TBCK: variants seen among roughly 807,000 people sequenced by gnomAD.
TBCK encodes the protein TBC1 domain containing kinase, also known as TBC domain-containing protein kinase-like protein.
A neutral mutation model predicts 113.4 loss-of-function variants in TBCK; 99 were observed. The ratio of observed to expected loss-of-function variants is 0.87; its 90% CI spans 0.74 to 1.03. The LOEUF (loss-of-function observed/expected upper bound fraction) is 1.03. Among genes scored for constraint, TBCK ranks in the 50% least tolerant of loss-of-function variants. TBCK has a pLI of 0.00. For synonymous variants in TBCK, 369 were observed against 370.8 expected, an observed-to-expected ratio of 1.00 and a Z score of 0.05; for missense variants, 1,045 against 1,061.3, an observed-to-expected ratio of 0.98 and a Z score of 0.21.
At chr4:106,165,987 C>T (rs1750324304) in intron 23 of TBCK, among the ~76,000 whole-genome samples, 1 of 151,668 alleles carries the variant, frequency 6.6e-6, no homozygotes, top group Non-Finnish European at 1.5e-5. Context: ...TTTAACCTTC[C>T]ATTCTACTAG....
At chr4:106,069,549 CT>C (rs1737110860) in intron 25 of TBCK, among the ~76,000 whole-genome samples, 1 of 152,120 alleles carries the variant, frequency 6.6e-6, no homozygotes, top group South Asian at 2.1e-4. Context: ...TTACTGTAGC[CT>C]TGTAGTATAG....
intron 23 of TBCK, among the ~76,000 whole-genome samples, chr4:106,168,431 A>G (rs1438313876): frequency 6.6e-6 from 1 of 151,932 alleles, no homozygotes; most frequent in Non-Finnish European, 1.5e-5. Flanking sequence ...TAAGATCAGG[A>G]ACAAGGTAAG....
intron 23 of TBCK, among the ~76,000 whole-genome samples, chr4:106,170,251 T>C (rs1201062010): frequency 6.6e-6 from 1 of 152,136 alleles, no homozygotes; most frequent in African/African-American, 2.4e-5. Flanking sequence ...AAAACTATAA[T>C]GCAAATATTT....
chr4:106,239,429 T>C (rs1236111461), intron 12 of TBCK, among the ~76,000 whole-genome samples: 3 of 152,042 alleles, frequency 2.0e-5, no homozygotes, highest in African/African-American at 7.2e-5. Flanking sequence ...TTAGTTATTA[T>C]ATAGGAAGAA....
intron 20 of TBCK, among the ~76,000 whole-genome samples, chr4:106,208,627 C>A (rs1755797730): frequency 6.6e-6 from 1 of 152,106 alleles, no homozygotes; most frequent in Admixed American, 6.5e-5. Flanking sequence ...CTTTGCCTCA[C>A]TCAACCGCTA....
intron 25 of TBCK, among the ~76,000 whole-genome samples, chr4:106,052,560 G>A (rs1299480978): frequency 6.6e-6 from 1 of 151,756 alleles, no homozygotes; most frequent in Non-Finnish European, 1.5e-5. Context: ...ACCAATCTTT[G>A]AGGTTAGGAA....
chr4:106,194,702 G>C lies in TBCK; in HGVS notation c.1897+16C>G. ...GCTAATACAATATCAAAAAAACCGG[G>C]GGAAGTCATACTTACGAGTAAACAT... On this transcript the variant is annotated intron_variant, in intron 21 of 25. Transcript: ENST00000394708. 2 of 1,589,730 alleles carry C rather than the reference G, an allele frequency of 1.3e-6. No homozygotes were observed. The highest frequency in any genetic ancestry group is 1.7e-6 in the Non-Finnish European group (2 of 1,170,456).
At chr4:106,224,458 C>T (rs1758020221) in intron 19 of TBCK, among the ~76,000 whole-genome samples, 1 of 151,632 alleles carries the variant, frequency 6.6e-6, no homozygotes, top group Non-Finnish European at 1.5e-5. Flanking sequence ...AGGATTTTTC[C>T]CAAAATTTGT....
At chr4:106,291,794 C>T (rs1765740365) in intron 3 of TBCK, among the ~76,000 whole-genome samples, 1 of 152,156 alleles carries the variant, frequency 6.6e-6, no homozygotes, top group Non-Finnish European at 1.5e-5. Context: ...CAAAAGGTAG[C>T]ACGTGTTCCT....
chr4:106,167,550 A>T (rs1213187023), intron 23 of TBCK, among the ~76,000 whole-genome samples: 1 of 151,696 alleles, frequency 6.6e-6, no homozygotes, highest in African/African-American at 2.4e-5. Flanking sequence ...AATGAAATTG[A>T]AAACAGTAAA....
At chr4:106,259,060 A>G (rs149223052) in intron 5 of TBCK, among the ~76,000 whole-genome samples, 2,242 of 152,076 alleles carry the variant, frequency 0.015, 60 homozygotes, top group South Asian at 0.035. Flanking sequence ...CTTCTTGAGG[A>G]CAGAAAGCTA....
At chr4:106,254,047 G>T (rs1257824944) in intron 5 of TBCK, among the ~76,000 whole-genome samples, 1 of 152,066 alleles carries the variant, frequency 6.6e-6, no homozygotes, top group Non-Finnish European at 1.5e-5. Context: ...CGTATGTGAT[G>T]TATCTTTCAT....
intron 2 of TBCK, among the ~76,000 whole-genome samples, chr4:106,299,463 C>G (rs1322566039): frequency 6.6e-6 from 1 of 152,162 alleles, no homozygotes; most frequent in Non-Finnish European, 1.5e-5. Context: ...TCTGGCACAA[C>G]TAAAATTTTT....
rs532093285 is a variant in TBCK at position 106,042,175 on chromosome 4, C to G, written c.*4395G>C. ...CATTTTGCTTCCAATCTGATTTAAT[C>G]AACATTTATCAAGAAAAATGCATTA... On this transcript the variant is annotated 3_prime_UTR_variant, in exon 26 of 26. Transcript: ENST00000394708. 1.3e-5 allele frequency: 2 copies of G among 152,274 alleles called. No individual in the cohort carries two copies. The highest frequency in any genetic ancestry group is 3.9e-4 in the East Asian group (2 of 5,182). The allele number at this position is 152,274 out of a possible 1,614,324, so 9.4% of individuals were successfully genotyped here. A position where few individuals can be genotyped will look rare whatever the true frequency, so the allele number is the denominator to read the frequency against.
At chr4:106,110,729 A>G (rs1742745445) in intron 24 of TBCK, among the ~76,000 whole-genome samples, 1 of 151,992 alleles carries the variant, frequency 6.6e-6, no homozygotes, top group African/African-American at 2.4e-5. Flanking sequence ...CTCTGGTCCT[A>G]CTCTACACAG....
At chr4:106,072,282 G>T (rs1737558356) in intron 25 of TBCK, among the ~76,000 whole-genome samples, 4 of 152,084 alleles carry the variant, frequency 2.6e-5, no homozygotes, top group Non-Finnish European at 5.9e-5. Context: ...CTCTTGTAAG[G>T]TAGGCCTGTT....
intron 6 of TBCK, 51 bp downstream of exon 6, chr4:106,251,815 C>T: frequency 7.2e-7 from 1 of 1,391,820 alleles, no homozygotes; most frequent in South Asian, 1.9e-5. Context: ...AAAGATTATT[C>T]CAATAAATGC....
intron 23 of TBCK, among the ~76,000 whole-genome samples, chr4:106,140,816 C>A (rs777648327): frequency 1.4e-5 from 2 of 138,978 alleles, no homozygotes; most frequent in African/African-American, 2.5e-5. Context: ...TTTAAATATA[C>A]CCTTGACTTA....
At chr4:106,212,726 T>C (rs1446746682) in intron 20 of TBCK, 24 bp downstream of exon 20, 12 of 1,510,414 alleles carry the variant, frequency 7.9e-6, no homozygotes, top group Non-Finnish European at 1.1e-5. Context: ...AACCACATGT[T>C]CTATTAATGC....
Sources: gnomAD v4.1 joint callset for allele counts (sites outside exome capture counted in the v4.1 genomes callset) on GRCh38, gnomAD v4.1.1 for gene constraint, MANE v1.5 for transcripts, NCBI Gene and HGNC (gene_info 2026-07-23, HGNC 2026-07-21) for gene names.